GLG1: variants seen among roughly 807,000 people sequenced by gnomAD.
The protein encoded by GLG1 is golgi glycoprotein 1.
A neutral mutation model predicts 160.5 loss-of-function variants in GLG1; 38 were observed. The ratio of observed to expected loss-of-function variants is 0.24; its 90% confidence interval spans 0.18 to 0.31. The LOEUF (loss-of-function observed/expected upper bound fraction) is 0.31, where lower values mean the gene tolerates loss of function less well. Ranked by LOEUF, GLG1 falls within the 10% of genes least tolerant of loss-of-function variation. The pLI, the probability that GLG1 is intolerant of heterozygous loss-of-function variation, is 1.00. For missense variants in GLG1, 1,373 were observed against 1,505.2 expected (o/e 0.91, Z 1.45); for synonymous variants, 644 against 543.4 (o/e 1.19, Z -2.57).
At chr16:74,478,461 G>GA (rs909175914) in intron 11 of GLG1, among the ~76,000 whole-genome samples, 1 of 151,682 alleles carries the variant, frequency 6.6e-6, no homozygotes, top group Non-Finnish European at 1.5e-5. Context: ...TGCAAAAAAA[G>GA]AAAAAAAAGC....
chr16:74,496,344 C>G (rs1284909041), intron 5 of GLG1, 97 bp downstream of exon 5: 3 of 863,356 alleles, frequency 3.5e-6, no homozygotes, highest in Non-Finnish European at 5.4e-6. Context: ...TAGCAAGACT[C>G]AATCTCTCAA....
intron 23 of GLG1, 60 bp from the exon 24 acceptor site, chr16:74,458,054 G>A: frequency 4.5e-6 from 7 of 1,550,530 alleles, no homozygotes; most frequent in East Asian, 2.2e-5. Flanking sequence ...CAGATCTGTT[G>A]TCTGTAAATA....
At chr16:74,596,998 AG>A (rs944415493) in intron 1 of GLG1, among the ~76,000 whole-genome samples, 22 of 152,214 alleles carry the variant, frequency 1.4e-4, no homozygotes, top group African/African-American at 5.1e-4. Flanking sequence ...GTTACTACTA[AG>A]GAGGAGATAC....
chr16:74,578,837 T>C (rs1455770668), intron 1 of GLG1, among the ~76,000 whole-genome samples: 2 of 152,234 alleles, frequency 1.3e-5, no homozygotes, highest in Non-Finnish European at 2.9e-5. Flanking sequence ...AAACAAGATT[T>C]AGGATAAGGT....
At chr16:74,538,844 G>A (rs554116184) in intron 1 of GLG1, among the ~76,000 whole-genome samples, 107 of 149,714 alleles carry the variant, frequency 7.1e-4, no homozygotes, top group Middle Eastern at 6.8e-3. Context: ...AGGAGGACTT[G>A]ATATTTTAAA....
At chr16:74,546,123 TTCAGGAGAGTAC>T (rs1260192743) in intron 1 of GLG1, among the ~76,000 whole-genome samples, 10 of 152,194 alleles carry the variant, frequency 6.6e-5, no homozygotes, top group Non-Finnish European at 2.9e-5. Flanking sequence ...ATTACTGTTC[TTCAGGAGAGTAC>T]TGGGAAATCT....
intron 1 of GLG1, among the ~76,000 whole-genome samples, chr16:74,582,896 T>C (rs1388651090): frequency 6.6e-6 from 1 of 151,820 alleles, no homozygotes; most frequent in East Asian, 1.9e-4. Context: ...CTATAGAAGG[T>C]ATTCTATCTC....
intron 1 of GLG1, among the ~76,000 whole-genome samples, chr16:74,585,373 C>T (rs1958025043): frequency 6.6e-6 from 1 of 151,978 alleles, no homozygotes; most frequent in Non-Finnish European, 1.5e-5. Flanking sequence ...TACAGCAGTG[C>T]ACTGCAGCCT....
intron 17 of GLG1, chr16:74,468,226 C>CTTTTTTTTTTTTTTTTTTTT (rs201829157): frequency 1.2e-5 from 1 of 83,312 alleles, no homozygotes; most frequent in African/African-American, 5.2e-5. Context: ...CTTGAAATGT[C>CTTTTTTTTTTTTTTTTTTTT]TTTTTTTTTT....
chr16:74,579,665 T>G (rs544931501), intron 1 of GLG1, among the ~76,000 whole-genome samples: 1 of 151,132 alleles, frequency 6.6e-6, no homozygotes, highest in African/African-American at 2.4e-5. Context: ...GAGGTTGCAA[T>G]GAGCTGAGAT....
rs117897419 is a variant in GLG1, at chr16:74,600,986, A to C, written c.438+5671T>G. The stretch of plus-strand genomic sequence containing the variant: ...AGTACTAGTGTCCTTCCACAATGAT[A>C]GGTGTATAATAGAAGATCAATAATG... On this transcript the variant is annotated intron_variant, in intron 1 of 25. Coordinates refer to ENST00000422840, the MANE Select transcript of GLG1 (RefSeq NM_001145667.2). Among the ~76,000 whole-genome samples the C allele has an allele frequency of 7.9e-3, 1,204 of 152,282 alleles. 2 individuals are homozygous for C. Among genetic ancestry groups the C allele is most frequent in the Middle Eastern group, 0.024 (7 of 294 alleles).
At chr16:74,580,710 A>G (rs1472923680) in intron 1 of GLG1, among the ~76,000 whole-genome samples, 1 of 152,240 alleles carries the variant, frequency 6.6e-6, no homozygotes, top group Non-Finnish European at 1.5e-5. Flanking sequence ...AAATCAATAG[A>G]GTGAAAAGGC....
intron 2 of GLG1, among the ~76,000 whole-genome samples, chr16:74,514,011 C>T (rs1277615461): frequency 5.9e-5 from 9 of 151,874 alleles, no homozygotes; most frequent in Admixed American, 5.9e-4. Flanking sequence ...CTTCAATAGT[C>T]GATTTGATCA....
intron 23 of GLG1, chr16:74,458,236 G>A (rs909993666): frequency 2.5e-5 from 10 of 397,100 alleles, no homozygotes; most frequent in African/African-American, 1.8e-4. Flanking sequence ...GTAAGTGACT[G>A]TAAGATCAGA....
Position 74,452,539 on chromosome 16 carries a change from G to A in GLG1, c.*628C>T, listed in dbSNP as rs182538140. 4.9e-6 allele frequency: 5 copies of A among 1,013,132 alleles called. No individual in the cohort carries two copies. The East Asian group carries it at 3.7e-4, about 74-fold the overall frequency. The allele number at this position is 1,013,132 out of a possible 1,614,324, so 62.8% of individuals were successfully genotyped here. On this transcript the variant is annotated 3_prime_UTR_variant, in exon 26 of 26. Coordinates refer to ENST00000422840, the MANE Select transcript of GLG1 (RefSeq NM_001145667.2). ...GGCTGATTAGGGTGGAAACTGGAAA[G>A]CGTCACTGTCTCAGCAGAAGAAAGC...
In GLG1 at chr16:74,601,581, T is replaced by C. The variant is rs532841167; in HGVS notation, c.438+5076A>G. 3.2e-4 allele frequency among the ~76,000 whole-genome samples: 48 copies of C among 152,306 alleles called. No individual in the cohort carries two copies. The South Asian group carries it at 9.5e-3, about 30-fold the overall frequency. ...GGATTCAATATAAATATCAAGGAAA[T>C]ACAACTAAATGCTTCCAGTGTTCTA... is the stretch of plus-strand genomic sequence containing the variant. On this transcript the variant is annotated intron_variant, in intron 1 of 25. Transcript: ENST00000422840.
At chr16:74,503,829 A>T in intron 3 of GLG1, 83 bp from the exon 4 acceptor site, 1 of 915,818 alleles carries the variant, frequency 1.1e-6, no homozygotes, top group Non-Finnish European at 1.7e-6. Context: ...AATGTCTGAA[A>T]TTTTCCTGTT....
At chr16:74,529,413 C>G (rs2143595941) in intron 2 of GLG1, among the ~76,000 whole-genome samples, 1 of 151,272 alleles carries the variant, frequency 6.6e-6, no homozygotes, top group Admixed American at 6.6e-5. Context: ...ATATTTTCAT[C>G]CATTTTAATT....
chr16:74,452,276 G>A lies in GLG1; in HGVS notation c.*891C>T. ...TTCCAGAGTGACTGTAGCCTCAGCA[G>A]GGCCGGTCCAGACATGGCTGAGTCC... On this transcript the variant is annotated 3_prime_UTR_variant, in exon 26 of 26. Coordinates refer to ENST00000422840, the MANE Select transcript of GLG1 (RefSeq NM_001145667.2). 1.4e-6 allele frequency: 2 copies of A among 1,471,456 alleles called. No homozygotes were observed. The highest frequency in any genetic ancestry group is 2.2e-5 in the Admixed American group (1 of 44,870). 91.1% of individuals were successfully genotyped at this position (1,471,456 alleles called of 1,614,324 possible). A position where few individuals can be genotyped will look rare whatever the true frequency, so the allele number is the denominator to read the frequency against.
Sources: allele counts gnomAD v4.1 joint callset (sites outside exome capture counted in the v4.1 genomes callset), GRCh38; gene constraint gnomAD v4.1.1; transcripts MANE v1.5; gene names NCBI Gene and HGNC (gene_info 2026-07-23, HGNC 2026-07-21).